ADAM19: variants seen among roughly 807,000 people sequenced by gnomAD.
The protein encoded by ADAM19 is ADAM metallopeptidase domain 19.
Under a neutral mutation model 114.7 loss-of-function variants are expected in ADAM19, and 65 were observed. That is an observed-to-expected ratio of 0.57 (90% CI 0.46 to 0.70). ADAM19 has a LOEUF of 0.70. ADAM19 is among the 30% of genes least tolerant of loss of function. ADAM19 has a pLI of 0.00. For synonymous variants in ADAM19, 466 were observed against 460.5 expected (o/e 1.01, Z -0.15); for missense variants, 1,063 against 1,204.7 (o/e 0.88, Z 1.74).
chr5:157,495,094 A>G (rs1273212244), intron 14 of ADAM19, among the ~76,000 whole-genome samples: 1 of 152,036 alleles, frequency 6.6e-6, no homozygotes, highest in African/African-American at 2.4e-5. Flanking sequence ...GGTTCAAGCA[A>G]TTCTCTACCT....
intron 2 of ADAM19, chr5:157,568,851 A>G (rs1057483876): frequency 6.6e-6 from 1 of 152,224 alleles, no homozygotes; most frequent in Non-Finnish European, 1.5e-5. Flanking sequence ...TTCATTGAAC[A>G]AATAGTTACG....
chr5:157,565,442 G>A (rs1757630631), intron 2 of ADAM19, among the ~76,000 whole-genome samples: 1 of 152,200 alleles, frequency 6.6e-6, no homozygotes, highest in African/African-American at 2.4e-5. Flanking sequence ...GACTCGGCCG[G>A]GCACAGTGGC....
intron 5 of ADAM19, among the ~76,000 whole-genome samples, chr5:157,526,544 G>A (rs1289945780): frequency 6.6e-6 from 1 of 152,088 alleles, no homozygotes; most frequent in African/African-American, 2.4e-5. Flanking sequence ...TTTAGAGAAT[G>A]TCTTAATCTG....
intron 3 of ADAM19, among the ~76,000 whole-genome samples, chr5:157,552,730 T>C (rs1303503950): frequency 6.6e-6 from 1 of 150,446 alleles, no homozygotes; most frequent in Non-Finnish European, 1.5e-5. Context: ...GACATACCTG[T>C]GCTCCTGTGT....
chr5:157,525,905 A>G (rs72811314), intron 5 of ADAM19, among the ~76,000 whole-genome samples: 5,208 of 152,206 alleles, frequency 0.034, 112 homozygotes, highest in South Asian at 0.069. Context: ...AGTGAGCCCT[A>G]TGTTTTCGAA....
At chr5:157,484,157 GC>G (rs1454489743) in intron 21 of ADAM19, among the ~76,000 whole-genome samples, 3 of 151,912 alleles carry the variant, frequency 2.0e-5, no homozygotes, top group Non-Finnish European at 4.4e-5. Context: ...AATTACAACA[GC>G]CCCCACCCTG....
chr5:157,514,330 C>CTT (rs918566617), intron 7 of ADAM19, among the ~76,000 whole-genome samples: 4 of 142,758 alleles, frequency 2.8e-5, no homozygotes, highest in Non-Finnish European at 3.1e-5. Context: ...ACATTTCTTT[C>CTT]TTTTTTTTTT....
rs12514771 is a variant in ADAM19, at chr5:157,573,351, T to C, written c.94+2252A>G. 5.4e-3 allele frequency among the ~76,000 whole-genome samples: 823 copies of C among 152,320 alleles called. 28 individuals are homozygous for C. The highest frequency in any genetic ancestry group is 0.049 in the Admixed American group (753 of 15,294). On this transcript the variant is annotated intron_variant, in intron 1 of 22. Transcript: ENST00000257527. The stretch of plus-strand genomic sequence containing the variant: ...TCTAGGGGAATGTACCATTGACTTT[T>C]TATTTACCATTGATTAAAAGCTACA...
At chr5:157,561,879 C>G (rs1434387445) in intron 3 of ADAM19, among the ~76,000 whole-genome samples, 1 of 151,838 alleles carries the variant, frequency 6.6e-6, no homozygotes, top group Non-Finnish European at 1.5e-5. Context: ...ACAGCTTTAT[C>G]CCCAGTACCT....
At chr5:157,542,719 C>T (rs568888121) in intron 3 of ADAM19, among the ~76,000 whole-genome samples, 14 of 152,348 alleles carry the variant, frequency 9.2e-5, no homozygotes, top group African/African-American at 3.4e-4. Context: ...GCAGGAGAAT[C>T]GCTTGAACTC....
intron 8 of ADAM19, among the ~76,000 whole-genome samples, chr5:157,512,757 G>A (rs554784107): frequency 1.3e-5 from 2 of 152,154 alleles, no homozygotes; most frequent in Non-Finnish European, 2.9e-5. Flanking sequence ...CATAATTTTA[G>A]GATAACTTTA....
intron 7 of ADAM19, among the ~76,000 whole-genome samples, chr5:157,516,566 G>GC (rs1756096368): frequency 6.6e-6 from 1 of 152,162 alleles, no homozygotes; most frequent in Non-Finnish European, 1.5e-5. Flanking sequence ...ACAATGCAAG[G>GC]CCAAAGGGGA....
In ADAM19 at chr5:157,490,312, G is replaced by C. The variant is rs1755108186; in HGVS notation, c.2238C>G (p.Phe746Leu). Residue 746 changes from phenylalanine to leucine, a missense_variant and splice_region_variant, in exon 19 of 23, where the codon TTC (phenylalanine) becomes TTG (leucine). Physicochemically the swap from Phe to Leu is conservative, Grantham distance 22. Around this residue, in one of 3 missense-constraint regions of ADAM19, gnomAD observed 424 missense variants for 445.5 expected, o/e 0.95. Transcript: ENST00000257527. ...SALPSKLRQQFSCPFRVSQNS... is the reference protein window; with the variant it reads ...SALPSKLRQQLSCPFRVSQNS... ...TCCTCCATTGAACCCTGTCATACCT[G>C]AACTGTTGCCTCAGCTTGGAAGGGA... The C allele has an allele frequency of 6.2e-7, 1 of 1,614,102 alleles. No individual in the cohort carries two copies. Among genetic ancestry groups the C allele is most frequent in the African/African-American group, 1.3e-5 (1 of 75,026 alleles).
chr5:157,559,856 G>C (rs1757464220), intron 3 of ADAM19, among the ~76,000 whole-genome samples: 1 of 152,106 alleles, frequency 6.6e-6, no homozygotes, highest in Non-Finnish European at 1.5e-5. Flanking sequence ...GTGATTTGGG[G>C]CACCTTTTTC....
intron 11 of ADAM19, among the ~76,000 whole-genome samples, chr5:157,505,426 C>A (rs1455378275): frequency 1.3e-5 from 2 of 152,210 alleles, no homozygotes; most frequent in Admixed American, 1.3e-4. Flanking sequence ...AACTCAACAC[C>A]TTAAAACAGA....
At position 157,513,455 on chromosome 5, in the gene ADAM19, C is replaced by T. The variant is rs1755989116; in HGVS notation, c.717G>A (p.Glu239=). Residue 239 remains glutamate (E), a synonymous_variant, in exon 8 of 23, where the codon GAG becomes GAA. Coordinates refer to ENST00000257527, the MANE Select transcript of ADAM19 (RefSeq NM_033274.5). The part of the protein sequence containing the change: ...DQDATKHKLI[E]IANYVDKFYR... ...TCACCTTATCAACATAGTTGGCGAT[C>T]TCTATGAGCTTGTGTTTGGTGGCGT... is the stretch of plus-strand genomic sequence containing the variant. 5 of 1,613,954 alleles carry T rather than the reference C, an allele frequency of 3.1e-6. No individual in the cohort carries two copies. Among genetic ancestry groups the T allele is most frequent in the Non-Finnish European group, 4.2e-6 (5 of 1,179,968 alleles).
chr5:157,479,110 C>G lies in ADAM19; in HGVS notation c.*1839G>C, dbSNP rs148784257. On this transcript the variant is annotated 3_prime_UTR_variant, in exon 23 of 23. Coordinates refer to ENST00000257527, the MANE Select transcript of ADAM19 (RefSeq NM_033274.5). ...AAAGGTGGGGAATGGATCTCCACAG[C>G]AAGGATGACCCACAGCAAGGATGAC... 31 of 985,686 alleles carry G rather than the reference C, an allele frequency of 3.1e-5. No homozygotes were observed. The African/African-American group carries it at 4.9e-4, about 16-fold the overall frequency. The allele number at this position is 985,686 out of a possible 1,614,324, so 61.1% of individuals were successfully genotyped here. A position where few individuals can be genotyped will look rare whatever the true frequency, so the allele number is the denominator to read the frequency against.
intron 18 of ADAM19, among the ~76,000 whole-genome samples, chr5:157,490,886 C>T (rs1200653671): frequency 2.4e-5 from 3 of 122,878 alleles, no homozygotes; most frequent in East Asian, 2.9e-4. Context: ...AGCAAGACTC[C>T]GTCTCAAAAA....
chr5:157,480,883 C>G lies in ADAM19; in HGVS notation c.*66G>C. The G allele has an allele frequency of 6.2e-7, 1 of 1,610,404 alleles. No individual in the cohort carries two copies. Among genetic ancestry groups the G allele is most frequent in the African/African-American group, 1.3e-5 (1 of 74,884 alleles). ...CGGCCAGACATGCTTCTTCAGGGTTCCATGGCCATGGGTCCTCTGCAGTGT... is the reference window on the plus strand; with the variant it reads ...CGGCCAGACATGCTTCTTCAGGGTTGCATGGCCATGGGTCCTCTGCAGTGT... On this transcript the variant is annotated 3_prime_UTR_variant, in exon 23 of 23. Coordinates refer to ENST00000257527, the MANE Select transcript of ADAM19 (RefSeq NM_033274.5).
Sources: gnomAD v4.1 joint callset for allele counts (sites outside exome capture counted in the v4.1 genomes callset) on GRCh38, gnomAD v4.1.1 for gene constraint, gnomAD v4.1.1 regional missense constraint, MANE v1.5 for transcripts, NCBI Gene and HGNC (gene_info 2026-07-23, HGNC 2026-07-21) for gene names.